Variants in FCHO2 observed in about 807,000 individuals in gnomAD.
FCHO2 encodes the protein F-BAR domain only protein 2.
FCHO2 carries 43 observed loss-of-function variants against 114.1 expected under a neutral mutation model. The observed-to-expected ratio is 0.38, with a 90% CI of 0.30 to 0.49. FCHO2 has a LOEUF of 0.49. Among genes scored for constraint, FCHO2 ranks in the 20% least tolerant of loss-of-function variants. FCHO2 has a pLI of 0.97. For missense variants in FCHO2, 807 were observed against 950.4 expected, an observed-to-expected ratio of 0.85 and a Z score of 1.98; for synonymous variants, 293 against 315.2, an observed-to-expected ratio of 0.93 and a Z score of 0.75.
At chr5:72,961,277 G>A (rs551245400) in intron 1 of FCHO2, among the ~76,000 whole-genome samples, 1 of 152,100 alleles carries the variant, frequency 6.6e-6, no homozygotes, top group Admixed American at 6.5e-5. Flanking sequence ...CACATTCTTT[G>A]GGGTTATGTA....
chr5:73,033,750 G>A (rs1756355815), intron 8 of FCHO2, among the ~76,000 whole-genome samples: 1 of 152,010 alleles, frequency 6.6e-6, no homozygotes, highest in African/African-American at 2.4e-5. Flanking sequence ...TTAGCTTCTG[G>A]GATATTTCAT....
intron 2 of FCHO2, among the ~76,000 whole-genome samples, chr5:72,981,822 T>G (rs958148204): frequency 1.3e-5 from 2 of 152,244 alleles, no homozygotes; most frequent in Non-Finnish European, 2.9e-5. Context: ...TTCTCTAAAC[T>G]GGTTATTCTA....
At chr5:73,082,667 A>G in intron 23 of FCHO2, 94 bp from the exon 24 acceptor site, 1 of 994,628 alleles carries the variant, frequency 1.0e-6, no homozygotes. Flanking sequence ...TGTTGTAGTG[A>G]AAATATTTAA....
chr5:73,065,146 G>A (rs1250388917), intron 18 of FCHO2, among the ~76,000 whole-genome samples: 2 of 151,978 alleles, frequency 1.3e-5, no homozygotes, highest in African/African-American at 4.8e-5. Flanking sequence ...AACAGACTTA[G>A]TGGAAGTAAA....
At chr5:73,082,469 G>A (rs1743151926) in intron 23 of FCHO2, among the ~76,000 whole-genome samples, 1 of 151,960 alleles carries the variant, frequency 6.6e-6, no homozygotes. Context: ...AATAACATGT[G>A]TCTTCCTTGA....
intron 2 of FCHO2, among the ~76,000 whole-genome samples, chr5:72,981,448 C>T (rs1407388606): frequency 6.6e-6 from 1 of 152,114 alleles, no homozygotes. Context: ...CGAGGAGTAT[C>T]TTTGTGGTGT....
chr5:72,982,380 T>A (rs75604775), intron 2 of FCHO2, among the ~76,000 whole-genome samples: 1 of 152,332 alleles, frequency 6.6e-6, no homozygotes, highest in African/African-American at 2.4e-5. Flanking sequence ...TGCCCCCTTA[T>A]TGGGTTTTAA....
chr5:73,052,255 C>A (rs1757374854), intron 12 of FCHO2, 77 bp from the exon 13 acceptor site: 1 of 1,386,902 alleles, frequency 7.2e-7, no homozygotes, highest in Non-Finnish European at 9.7e-7. Flanking sequence ...GGTTTCATTC[C>A]TTTTTTAAAA....
chr5:72,990,366 G>T (rs1045649765), intron 3 of FCHO2, 112 bp from the exon 4 acceptor site: 2 of 731,778 alleles, frequency 2.7e-6, no homozygotes, highest in African/African-American at 3.8e-5. Flanking sequence ...TTCATCTTTT[G>T]CCTAAATAAA....
chr5:73,051,453 A>C (rs1416671112), intron 12 of FCHO2, 47 bp downstream of exon 12: 1 of 1,243,160 alleles, frequency 8.0e-7, no homozygotes, highest in Admixed American at 2.6e-5. Context: ...TTGGCATATA[A>C]GTAGGCAGTT....
intron 18 of FCHO2, among the ~76,000 whole-genome samples, chr5:73,065,424 G>A (rs1007520412): frequency 6.6e-6 from 1 of 151,800 alleles, no homozygotes; most frequent in African/African-American, 2.4e-5. Flanking sequence ...ACATTTTTTG[G>A]AATGCATAAG....
chr5:73,017,075 A>G (rs1415225940), intron 7 of FCHO2, 137 bp from the exon 8 acceptor site: 2 of 533,062 alleles, frequency 3.8e-6, no homozygotes, highest in African/African-American at 3.9e-5. Context: ...AAGTTAGGTA[A>G]ATTAAAGTCC....
intron 24 of FCHO2, 56 bp downstream of exon 24, chr5:73,082,881 T>C: frequency 6.9e-7 from 1 of 1,458,934 alleles, no homozygotes; most frequent in Admixed American, 2.4e-5. Context: ...AATTGATTTT[T>C]TTTTTTTTTT....
chr5:73,059,099 T>A (rs1757733196), intron 17 of FCHO2, among the ~76,000 whole-genome samples: 1 of 151,868 alleles, frequency 6.6e-6, no homozygotes, highest in Non-Finnish European at 1.5e-5. Flanking sequence ...AGTTTCTCTT[T>A]TCATTAGTCA....
intron 19 of FCHO2, among the ~76,000 whole-genome samples, chr5:73,074,322 A>G (rs979854166): frequency 1.3e-5 from 2 of 152,140 alleles, no homozygotes; most frequent in Non-Finnish European, 2.9e-5. Context: ...TGTATGAAAC[A>G]TTACTACTTG....
At chr5:72,976,222 CAT>C (rs1491169012) in intron 2 of FCHO2, among the ~76,000 whole-genome samples, 2 of 152,128 alleles carry the variant, frequency 1.3e-5, no homozygotes, top group African/African-American at 4.8e-5. Flanking sequence ...TTCCTGATGA[CAT>C]ATGATGTGGA....
At chr5:72,997,080 G>T in intron 5 of FCHO2, 1 of 1,246,012 alleles carries the variant, frequency 8.0e-7, no homozygotes, top group Non-Finnish European at 1.2e-6. Flanking sequence ...CCTGGAATCA[G>T]CTAGGTGAAG....
In FCHO2 at chr5:73,087,666, A is replaced by T. The variant is rs1261684095; in HGVS notation, c.2323A>T (p.Ser775Cys). The change falls in exon 25 of 26, where the codon AGC becomes TGC. Residue 775 changes from serine to cysteine, a missense_variant. Physicochemically the swap from Ser to Cys is moderately radical, Grantham distance 112. Coordinates refer to ENST00000430046, the MANE Select transcript of FCHO2 (RefSeq NM_138782.3). Reference protein sequence around the residue: ...KPTTLAVQFLSEGSTLSGVDF... With the variant: ...KPTTLAVQFLCEGSTLSGVDF... Reference sequence around the variant, plus strand: ...CACGACACTTGCAGTACAATTCCTCAGCGAGGGAAGTACCCTTTCAGGAGT... The same window carrying T: ...CACGACACTTGCAGTACAATTCCTCTGCGAGGGAAGTACCCTTTCAGGAGT... 16 of 1,613,928 alleles carry T rather than the reference A, an allele frequency of 9.9e-6. No individual in the cohort carries two copies. The highest frequency in any genetic ancestry group is 1.3e-5 in the Non-Finnish European group (15 of 1,179,830).
chr5:73,036,975 A>G (rs1756543916), intron 9 of FCHO2, among the ~76,000 whole-genome samples, 168 bp from the exon 10 acceptor site: 3 of 152,210 alleles, frequency 2.0e-5, no homozygotes, highest in Middle Eastern at 3.2e-3. Flanking sequence ...TAACATAAGA[A>G]AAGTCTAACC....
Sources: allele counts gnomAD v4.1 joint callset (sites outside exome capture counted in the v4.1 genomes callset), GRCh38; gene constraint gnomAD v4.1.1; transcripts MANE v1.5; gene names NCBI Gene and HGNC (gene_info 2026-07-23, HGNC 2026-07-21).